Variants in CLDN14 observed in about 807,000 individuals in gnomAD.
CLDN14 encodes claudin-14.
A neutral mutation model predicts 2.1 loss-of-function variants in CLDN14; 2 were observed. The ratio of observed to expected loss-of-function variants is 0.96; its 90% CI spans 0.39 to 3.01. The LOEUF (loss-of-function observed/expected upper bound fraction) is 3.01. Among genes scored for constraint, CLDN14 ranks in the 30% most tolerant of loss-of-function variants. The pLI, the probability that CLDN14 is intolerant of heterozygous loss-of-function variation, is 0.09. For synonymous variants in CLDN14, 136 were observed against 154.4 expected (o/e 0.88, Z 0.88); for missense variants, 298 against 328.0 (o/e 0.91, Z 0.71).
At chr21:36,546,096 T>A (rs1260591557) in intron 1 of CLDN14, among the ~76,000 whole-genome samples, 1 of 152,266 alleles carries the variant, frequency 6.6e-6, no homozygotes, top group Admixed American at 6.5e-5. Flanking sequence ...AACCTCTGGC[T>A]ACTTTGAAGT....
intron 2 of CLDN14, among the ~76,000 whole-genome samples, chr21:36,489,663 G>T (rs2086941629): frequency 6.6e-6 from 1 of 152,214 alleles, no homozygotes; most frequent in Non-Finnish European, 1.5e-5. Flanking sequence ...CCACCTAGTT[G>T]CTGCCCTCTT....
chr21:36,560,031 A>C (rs1181829170), intron 1 of CLDN14, among the ~76,000 whole-genome samples: 2 of 152,236 alleles, frequency 1.3e-5, no homozygotes, highest in African/African-American at 4.8e-5. Flanking sequence ...AGCAAAAGTC[A>C]CAAGTGTTTG....
rs1568839335 is a variant in CLDN14, at chr21:36,461,505, C to T, written c.191G>A (p.Cys64Tyr). The change falls in exon 2 of 2, where the codon TGC becomes TAC. Residue 64 changes from cysteine to tyrosine, a missense_variant. By Grantham distance (194) the Cys-to-Tyr change is radical (BLOSUM62 -2). Transcript: ENST00000399135. ...CVWHSTGIYQ[C>Y]QIYRSLLALP... ...CGCCAGCAGGGATCGGTAGATCTGG[C>T]ACTGGTAGATGCCTGTGCTGTGCCA... 1 of 1,613,436 alleles carries T rather than the reference C, an allele frequency of 6.2e-7. No individual in the cohort carries two copies. The highest frequency in any genetic ancestry group is 8.5e-7 in the Non-Finnish European group (1 of 1,179,998).
intron 1 of CLDN14, among the ~76,000 whole-genome samples, chr21:36,538,111 A>G (rs944513607): frequency 1.3e-5 from 2 of 152,044 alleles, no homozygotes; most frequent in Non-Finnish European, 2.9e-5. Context: ...CTATGCTTCT[A>G]TCTTTGCTGC....
chr21:36,511,880 C>T (rs1363191765), intron 1 of CLDN14, among the ~76,000 whole-genome samples: 1 of 152,140 alleles, frequency 6.6e-6, no homozygotes, highest in Non-Finnish European at 1.5e-5. Flanking sequence ...TTTCTCCCCA[C>T]CAAAGGGTCT....
chr21:36,467,255 T>A (rs1426424323), intron 1 of CLDN14, among the ~76,000 whole-genome samples: 2 of 152,184 alleles, frequency 1.3e-5, no homozygotes, highest in African/African-American at 4.8e-5. Flanking sequence ...CTCATTTTGC[T>A]CACCTCCTGG....
intron 1 of CLDN14, among the ~76,000 whole-genome samples, chr21:36,565,645 A>G (rs961772080): frequency 2.0e-5 from 3 of 152,096 alleles, no homozygotes; most frequent in African/African-American, 4.8e-5. Flanking sequence ...GCTCCAGCCA[A>G]CTCTGAACAT....
intron 1 of CLDN14, among the ~76,000 whole-genome samples, chr21:36,476,654 T>C (rs1366195620): frequency 1.3e-5 from 2 of 152,242 alleles, no homozygotes; most frequent in Non-Finnish European, 2.9e-5. Flanking sequence ...GGTTTCACCA[T>C]GTTGGTCAGG....
chr21:36,556,054 G>A (rs951656873), intron 1 of CLDN14, among the ~76,000 whole-genome samples: 12 of 152,030 alleles, frequency 7.9e-5, no homozygotes, highest in Non-Finnish European at 1.2e-4. Flanking sequence ...TCACTCAGGG[G>A]CCCAAGCTAT....
intron 1 of CLDN14, among the ~76,000 whole-genome samples, chr21:36,522,450 C>T (rs1038257945): frequency 3.9e-5 from 6 of 152,180 alleles, no homozygotes; most frequent in Non-Finnish European, 8.8e-5. Context: ...CAATCCTGCC[C>T]AAAGCTGGGC....
rs1280344964 is a variant in CLDN14, at chr21:36,489,119, A to AAAAAAAT, written c.-82+21243_-82+21244insATTTTTT. Among the ~76,000 whole-genome samples, 179 of 65,022 alleles carry AAAAAAAT rather than the reference A, an allele frequency of 2.8e-3. 3 individuals are homozygous for AAAAAAAT. In the Middle Eastern group the frequency reaches 0.036, roughly 13 times the overall value. 42.7% of individuals were successfully genotyped at this position (65,022 alleles called of 152,430 possible). On this transcript the variant is annotated intron_variant, in intron 2 of 2. Coordinates refer to the CLDN14 transcript ENST00000342108. ...AGTGAGTGAGAGTCTGTCTCAAAGA[A>AAAAAAAT]AAAAAAAAAAAAATATATATATATA...
At chr21:36,556,099 C>G (rs954670822) in intron 1 of CLDN14, among the ~76,000 whole-genome samples, 55 of 152,122 alleles carry the variant, frequency 3.6e-4, no homozygotes, top group African/African-American at 1.3e-3. Context: ...ACTTCACTGC[C>G]TGGTGCTGAG....
chr21:36,537,942 T>C (rs1420451107), intron 1 of CLDN14, among the ~76,000 whole-genome samples: 2 of 151,906 alleles, frequency 1.3e-5, no homozygotes, highest in Admixed American at 1.3e-4. Flanking sequence ...GCCACCACAC[T>C]CAGCCTACAA....
At chr21:36,484,399 G>A (rs2086875007), upstream of CLDN14, among the ~76,000 whole-genome samples, 1 of 152,150 alleles carries the variant, frequency 6.6e-6, no homozygotes, top group South Asian at 2.1e-4. Context: ...TGGTGCTGCT[G>A]TAACACAGTG....
chr21:36,465,943 T>C (rs2086640454), intron 1 of CLDN14, among the ~76,000 whole-genome samples: 1 of 152,132 alleles, frequency 6.6e-6, no homozygotes, highest in East Asian at 1.9e-4. Flanking sequence ...AAAAGTACAA[T>C]CCTGGGTGGG....
upstream of CLDN14, among the ~76,000 whole-genome samples, chr21:36,482,416 G>A (rs1177666310): frequency 1.4e-4 from 6 of 42,072 alleles, no homozygotes; most frequent in Admixed American, 1.2e-3. Context: ...ATAGACGGAT[G>A]GATGGATGGA....
At chr21:36,526,905 C>T (rs1365514530) in intron 1 of CLDN14, among the ~76,000 whole-genome samples, 2 of 152,160 alleles carry the variant, frequency 1.3e-5, no homozygotes, top group African/African-American at 2.4e-5. Flanking sequence ...GATAGGCCCA[C>T]CTCCCGAGAC....
At chr21:36,478,599 G>A (rs1480173804) in intron 1 of CLDN14, among the ~76,000 whole-genome samples, 1 of 152,246 alleles carries the variant, frequency 6.6e-6, no homozygotes, top group South Asian at 2.1e-4. Context: ...TCAGATGACA[G>A]CATCTTTTCA....
intron 1 of CLDN14, among the ~76,000 whole-genome samples, chr21:36,477,199 A>T (rs2086789643): frequency 6.6e-6 from 1 of 152,232 alleles, no homozygotes; most frequent in Non-Finnish European, 1.5e-5. Context: ...CTGTAACTGC[A>T]CAGATCATGT....
Sources: gnomAD v4.1 joint callset for allele counts (sites outside exome capture counted in the v4.1 genomes callset) on GRCh38, gnomAD v4.1.1 for gene constraint, MANE v1.5 for transcripts, NCBI Gene and HGNC (gene_info 2026-07-23, HGNC 2026-07-21) for gene names.